Variants in USP54 observed in about 807,000 individuals in gnomAD.
The protein encoded by USP54 is ubiquitin specific peptidase 54.
A neutral mutation model predicts 170.5 loss-of-function variants in USP54; 87 were observed. That is an observed-to-expected ratio of 0.51 (90% CI 0.43 to 0.61). The LOEUF is 0.61. USP54 is among the 20% of genes least tolerant of loss of function. The probability of loss-of-function intolerance (pLI) is 0.00; values close to 1 mark genes in which losing one functional copy is unlikely to be tolerated. For synonymous variants in USP54, 655 were observed against 742.8 expected (o/e 0.88, Z 1.92); for missense variants, 1,786 against 2,047.8 (o/e 0.87, Z 2.47).
chr10:73,597,532 T>C (rs1394276724), intron 1 of USP54, among the ~76,000 whole-genome samples: 1 of 152,144 alleles, frequency 6.6e-6, no homozygotes, highest in Non-Finnish European at 1.5e-5. Context: ...TTTGACTCCC[T>C]GTGATTTCAT....
chr10:73,577,745 C>G (rs2076314819), intron 1 of USP54, among the ~76,000 whole-genome samples: 1 of 152,122 alleles, frequency 6.6e-6, no homozygotes, highest in African/African-American at 2.4e-5. Flanking sequence ...TTATTCTATT[C>G]CAAAAGCTCC....
intron 20 of USP54, among the ~76,000 whole-genome samples, chr10:73,515,506 T>C (rs1442333252): frequency 1.8e-4 from 27 of 152,210 alleles, no homozygotes; most frequent in Non-Finnish European, 4.0e-4. Flanking sequence ...TCACTCTGTA[T>C]TATCTCAGTC....
chr10:73,529,611 T>C, intron 15 of USP54, 69 bp downstream of exon 15: 1 of 1,582,704 alleles, frequency 6.3e-7, no homozygotes. Context: ...CAGCCATGCC[T>C]GAAAGCCCCA....
intron 1 of USP54, among the ~76,000 whole-genome samples, chr10:73,601,606 C>A (rs1589379753): frequency 6.6e-6 from 1 of 152,042 alleles, no homozygotes; most frequent in Non-Finnish European, 1.5e-5. Flanking sequence ...ATTCAGTCAG[C>A]GTCTAGAGCA....
At chr10:73,563,534 T>G (rs1379404149) in intron 4 of USP54, among the ~76,000 whole-genome samples, 1 of 151,408 alleles carries the variant, frequency 6.6e-6, no homozygotes, top group Non-Finnish European at 1.5e-5. Context: ...ACCCTCCGGG[T>G]TCAAGTGATT....
At chr10:73,500,975 G>T in intron 22 of USP54, 137 bp from the exon 23 acceptor site, 1 of 906,664 alleles carries the variant, frequency 1.1e-6, no homozygotes. Context: ...CCTTGTTCTG[G>T]AACAGGACCC....
At chr10:73,540,505 G>A (rs2066377341) in intron 9 of USP54, among the ~76,000 whole-genome samples, 1 of 152,032 alleles carries the variant, frequency 6.6e-6, no homozygotes, top group African/African-American at 2.4e-5. Flanking sequence ...AGGAAGCGGA[G>A]CTTGCAGTGA....
intron 1 of USP54, among the ~76,000 whole-genome samples, chr10:73,601,506 T>C (rs2079163008): frequency 1.3e-5 from 2 of 151,456 alleles, no homozygotes; most frequent in South Asian, 4.2e-4. Context: ...AAAATGCCTT[T>C]TTTTTTTTTC....
rs1428134053 is a variant in USP54, at chr10:73,517,103, A to G, written c.3323T>C (p.Leu1108Ser). 1 of 1,614,116 alleles carries G rather than the reference A, an allele frequency of 6.2e-7. No homozygotes were observed. Among genetic ancestry groups the G allele is most frequent in the Non-Finnish European group, 8.5e-7 (1 of 1,180,054 alleles). The change falls in exon 20 of 24, where the codon TTA becomes TCA. Residue 1108 changes from leucine (L) to serine (S), a missense_variant. Coordinates refer to ENST00000687698, the MANE Select transcript of USP54 (RefSeq NM_001391956.1). ...CTCCTCACTGCCTCTGTCCACTTTT[A>G]AAGTCAATGAAGTTTTGAGGCTTTG... Reference protein sequence around the residue: ...QGQSLKTSLTLKVDRGSEETY... With the variant: ...QGQSLKTSLTSKVDRGSEETY...
chr10:73,516,403 A>G lies in USP54; in HGVS notation c.4023T>C (p.Asp1341=), dbSNP rs2061099418. The G allele has an allele frequency of 1.2e-6, 2 of 1,612,380 alleles. No homozygotes were observed. The highest frequency in any genetic ancestry group is 2.2e-5 in the South Asian group (2 of 90,912). The change falls in exon 20 of 24, where the codon GAT becomes GAC. Residue 1341 remains aspartate (D), a synonymous_variant. Coordinates refer to ENST00000687698, the MANE Select transcript of USP54 (RefSeq NM_001391956.1). The stretch of plus-strand genomic sequence containing the variant: ...TTTGGCTAAGTGGGTGCCAGGCGGT[A>G]TCCTGCTGCCCCCATCCAGAACAGC... The part of the protein sequence containing the change: ...QAGCSGWGQQ[D]TAWHPLSQTG...
chr10:73,575,705 C>G, intron 2 of USP54, 30 bp from the exon 3 acceptor site: 2 of 1,516,324 alleles, frequency 1.3e-6, no homozygotes, highest in East Asian at 4.7e-5. Context: ...GGATTTGTGC[C>G]TTTTTGGCAG....
At chr10:73,624,323 G>C (rs1337309284) in intron 1 of USP54, 1 of 144,472 alleles carries the variant, frequency 6.9e-6, no homozygotes, top group Non-Finnish European at 1.5e-5. Context: ...TCAGCTTTCC[G>C]AGTAGCTGGG....
chr10:73,555,321 TTTAAA>T (rs1489546909), intron 4 of USP54, among the ~76,000 whole-genome samples: 4 of 152,234 alleles, frequency 2.6e-5, no homozygotes, highest in Admixed American at 2.0e-4. Context: ...TACCAGTCTC[TTTAAA>T]TTAAAGTCAA....
intron 18 of USP54, 22 bp from the exon 19 acceptor site, chr10:73,520,014 A>C (rs1207808364): frequency 1.3e-6 from 2 of 1,567,312 alleles, no homozygotes; most frequent in Non-Finnish European, 8.7e-7. Flanking sequence ...AAGAAAATAT[A>C]GCAGAAACAG....
At chr10:73,587,067 G>T (rs755333728) in intron 1 of USP54, among the ~76,000 whole-genome samples, 1 of 152,164 alleles carries the variant, frequency 6.6e-6, no homozygotes, top group Non-Finnish European at 1.5e-5. Flanking sequence ...TAAGAACTAA[G>T]AAATGACAGC....
At position 73,517,227 on chromosome 10, in the gene USP54, G is replaced by A; in HGVS notation, c.3199C>T (p.Pro1067Ser). Residue 1067 changes from proline to serine, a missense_variant, in exon 20 of 24, where the codon CCC becomes TCC. Pro to Ser is a moderately conservative substitution (Grantham distance 74). Around this residue, in one of 3 missense-constraint regions of USP54, gnomAD observed 1,418 missense variants for 1,569.0 expected, o/e 0.90. Transcript: ENST00000687698. ...PSNSSAQPSL[P>S]LYRTCHPIMP... ...ATGGGGTGGCAGGTTCTATACAGGG[G>A]AAGGCTGGGCTGAGCTGATGAATTT... 1 of 1,614,208 alleles carries A rather than the reference G, an allele frequency of 6.2e-7. No homozygotes were observed. The highest frequency in any genetic ancestry group is 1.3e-5 in the African/African-American group (1 of 75,066).
At chr10:73,577,783 G>C (rs2076318187) in intron 1 of USP54, among the ~76,000 whole-genome samples, 1 of 152,188 alleles carries the variant, frequency 6.6e-6, no homozygotes, top group Non-Finnish European at 1.5e-5. Context: ...TAAGAAGGCA[G>C]TCAATAAATA....
intron 4 of USP54, among the ~76,000 whole-genome samples, chr10:73,562,050 G>A (rs1342798363): frequency 2.0e-5 from 3 of 151,782 alleles, no homozygotes; most frequent in Admixed American, 1.3e-4. Context: ...GCAGTGAGCC[G>A]AGATCATGCC....
intron 5 of USP54, among the ~76,000 whole-genome samples, chr10:73,543,568 G>C (rs189537591): frequency 6.6e-6 from 1 of 151,978 alleles, no homozygotes; most frequent in African/African-American, 2.4e-5. Context: ...AGGTTTCACC[G>C]TGTTAGCCAG....
Sources: allele counts gnomAD v4.1 joint callset (sites outside exome capture counted in the v4.1 genomes callset), GRCh38; gene constraint gnomAD v4.1.1; regional missense constraint gnomAD v4.1.1; transcripts MANE v1.5; gene names NCBI Gene and HGNC (gene_info 2026-07-23, HGNC 2026-07-21).